JAZF1: variants seen among roughly 807,000 people sequenced by gnomAD.
JAZF1 encodes JAZF zinc finger 1, also known as juxtaposed with another zinc finger protein 1.
Under a neutral mutation model 26.4 loss-of-function variants are expected in JAZF1, and 8 were observed. The observed-to-expected ratio is 0.30, with a 90% CI of 0.18 to 0.55. The LOEUF (loss-of-function observed/expected upper bound fraction) is 0.55. Among genes scored for constraint, JAZF1 ranks in the 20% least tolerant of loss-of-function variants. JAZF1 has a pLI of 0.94. For missense variants in JAZF1, 199 were observed against 322.0 expected (o/e 0.62, Z 2.92); for synonymous variants, 126 against 122.3 (o/e 1.03, Z -0.20).
chr7:27,850,170 A>G lies in JAZF1; in HGVS notation c.386-9303T>C, dbSNP rs1783117112. 2.6e-5 allele frequency among the ~76,000 whole-genome samples: 4 copies of G among 152,238 alleles called. No homozygotes were observed. In the South Asian group the frequency reaches 8.3e-4, roughly 31 times the overall value. On this transcript the variant is annotated intron_variant, in intron 3 of 4. Coordinates refer to ENST00000283928, the MANE Select transcript of JAZF1 (RefSeq NM_175061.4). Reference sequence around the variant, plus strand: ...AATTCTGGCAAATACATTAGCAAAGAGTTGCCTTTCTGCCTTATAGATTTA... The same window carrying G: ...AATTCTGGCAAATACATTAGCAAAGGGTTGCCTTTCTGCCTTATAGATTTA...
chr7:28,016,800 T>C (rs1009558024), intron 1 of JAZF1, among the ~76,000 whole-genome samples: 1 of 152,200 alleles, frequency 6.6e-6, no homozygotes, highest in African/African-American at 2.4e-5. Context: ...TTTTGTATCA[T>C]TCATTCTTTC....
chr7:28,094,818 G>T (rs1784357538), intron 1 of JAZF1, among the ~76,000 whole-genome samples: 1 of 151,970 alleles, frequency 6.6e-6, no homozygotes, highest in Admixed American at 6.5e-5. Flanking sequence ...GGGGACCAAG[G>T]GCCGAGCTGC....
chr7:27,918,869 G>A (rs534197699), intron 2 of JAZF1, among the ~76,000 whole-genome samples: 5 of 152,150 alleles, frequency 3.3e-5, no homozygotes, highest in Non-Finnish European at 5.9e-5. Flanking sequence ...AATTTGGTGA[G>A]CTTATACTAA....
chr7:28,103,773 T>G (rs572853459), intron 1 of JAZF1, among the ~76,000 whole-genome samples: 1 of 152,248 alleles, frequency 6.6e-6, no homozygotes, highest in South Asian at 2.1e-4. Flanking sequence ...CTGGTTATCT[T>G]GTTACTGGAC....
chr7:27,869,195 T>A (rs893595498), intron 3 of JAZF1, among the ~76,000 whole-genome samples: 5 of 152,162 alleles, frequency 3.3e-5, no homozygotes, highest in Non-Finnish European at 7.3e-5. Flanking sequence ...AGACCTCTAT[T>A]CAGGGCTGAA....
chr7:28,037,775 A>C (rs1357563162), intron 1 of JAZF1, among the ~76,000 whole-genome samples: 1 of 152,164 alleles, frequency 6.6e-6, no homozygotes, highest in Non-Finnish European at 1.5e-5. Context: ...TCCTTATTCA[A>C]ATCTTATTAA....
chr7:28,177,609 TTG>T (rs1370150973), intron 1 of JAZF1, among the ~76,000 whole-genome samples: 1 of 152,186 alleles, frequency 6.6e-6, no homozygotes, highest in Non-Finnish European at 1.5e-5. Flanking sequence ...ATACTCACGG[TTG>T]CTAAATAACA....
At chr7:27,977,111 A>G (rs1178119051) in intron 2 of JAZF1, among the ~76,000 whole-genome samples, 1 of 152,212 alleles carries the variant, frequency 6.6e-6, no homozygotes, top group African/African-American at 2.4e-5. Flanking sequence ...ATCTCAGGAA[A>G]GATCTCTATT....
chr7:28,024,009 G>C (rs1004460305), intron 1 of JAZF1, among the ~76,000 whole-genome samples: 1 of 152,060 alleles, frequency 6.6e-6, no homozygotes, highest in Non-Finnish European at 1.5e-5. Flanking sequence ...TCTAGGGCTA[G>C]GCACAGTGGC....
chr7:28,084,783 G>A lies in JAZF1; in HGVS notation c.116-92802C>T, dbSNP rs142924273. 1.7e-3 allele frequency among the ~76,000 whole-genome samples: 265 copies of A among 152,332 alleles called. 2 individuals carry two copies. The South Asian group carries it at 0.023, about 13-fold the overall frequency. Reference sequence around the variant, plus strand: ...ATTTATGTTCTAGGTCAGAAAGGATGTTTGTTGTCTGCTGTGGTTTGAATG... The same window carrying A: ...ATTTATGTTCTAGGTCAGAAAGGATATTTGTTGTCTGCTGTGGTTTGAATG... On this transcript the variant is annotated intron_variant, in intron 1 of 4. Transcript: ENST00000283928.
chr7:27,898,293 A>ATATATATATG (rs1309236068), intron 2 of JAZF1, among the ~76,000 whole-genome samples: 1 of 103,088 alleles, frequency 9.7e-6, no homozygotes, highest in Non-Finnish European at 2.0e-5. Context: ...ACTCATATAT[A>ATATATATATG]TATATATATA....
At chr7:27,998,815 T>C (rs1346618842) in intron 1 of JAZF1, among the ~76,000 whole-genome samples, 1 of 152,250 alleles carries the variant, frequency 6.6e-6, no homozygotes. Flanking sequence ...GTTTGGACAA[T>C]GTTCCATAGC....
At chr7:27,866,019 A>C (rs180700521) in intron 3 of JAZF1, among the ~76,000 whole-genome samples, 10 of 152,184 alleles carry the variant, frequency 6.6e-5, no homozygotes, top group Admixed American at 5.9e-4. Flanking sequence ...TGAACTCCTT[A>C]CTCAGGCCGT....
At chr7:28,069,939 TG>T (rs1480062361) in intron 1 of JAZF1, among the ~76,000 whole-genome samples, 5 of 152,168 alleles carry the variant, frequency 3.3e-5, no homozygotes, top group African/African-American at 1.2e-4. Context: ...GCCCACAGAC[TG>T]GGATGAAGCC....
intron 1 of JAZF1, chr7:28,071,724 A>G: frequency 2.2e-6 from 1 of 452,124 alleles, no homozygotes; most frequent in Non-Finnish European, 4.5e-6. Context: ...CTTGGTTTAC[A>G]AAGACAGGCA....
At chr7:27,883,878 T>C (rs1208850411) in intron 3 of JAZF1, among the ~76,000 whole-genome samples, 1 of 152,218 alleles carries the variant, frequency 6.6e-6, no homozygotes, top group Non-Finnish European at 1.5e-5. Flanking sequence ...TCCATGTTAC[T>C]GCTTCCTTAG....
chr7:28,128,962 T>A (rs2127941019), intron 1 of JAZF1, among the ~76,000 whole-genome samples: 1 of 152,292 alleles, frequency 6.6e-6, no homozygotes, highest in Non-Finnish European at 1.5e-5. Context: ...AAGAAAAAAG[T>A]GAGTTATCCT....
At chr7:27,993,553 A>G (rs957671535) in intron 1 of JAZF1, among the ~76,000 whole-genome samples, 1 of 152,228 alleles carries the variant, frequency 6.6e-6, no homozygotes, top group Non-Finnish European at 1.5e-5. Flanking sequence ...AATGTTCAAC[A>G]AGGAAAGGTG....
intron 1 of JAZF1, among the ~76,000 whole-genome samples, chr7:28,057,182 G>A (rs903803376): frequency 1.3e-5 from 2 of 152,064 alleles, no homozygotes; most frequent in East Asian, 1.9e-4. Context: ...TTTAACCCAC[G>A]CCTTAGTAAA....
Sources: gnomAD v4.1 joint callset for allele counts (sites outside exome capture counted in the v4.1 genomes callset) on GRCh38, gnomAD v4.1.1 for gene constraint, MANE v1.5 for transcripts, NCBI Gene and HGNC (gene_info 2026-07-23, HGNC 2026-07-21) for gene names.